Variants in AOPEP observed in about 807,000 individuals in gnomAD.
AOPEP encodes the protein aminopeptidase O.
In AOPEP, 77 loss-of-function variants were observed where a neutral mutation model predicts 98.1. That is an observed-to-expected ratio of 0.78 (90% CI 0.65 to 0.95). The LOEUF (loss-of-function observed/expected upper bound fraction) is 0.95, where lower values mean the gene tolerates loss of function less well. AOPEP is among the 40% of genes least tolerant of loss of function. The pLI is 0.00. For missense variants in AOPEP, 1,024 were observed against 1,024.7 expected (o/e 1.00, Z 0.01); for synonymous variants, 346 against 365.3 (o/e 0.95, Z 0.60).
At chr9:95,018,477 C>G (rs954647678) in intron 13 of AOPEP, among the ~76,000 whole-genome samples, 1 of 152,196 alleles carries the variant, frequency 6.6e-6, no homozygotes, top group African/African-American at 2.4e-5. Context: ...ATGTCTCACC[C>G]GAGATTCCCA....
intron 14 of AOPEP, among the ~76,000 whole-genome samples, chr9:95,072,728 G>A (rs2068634564): frequency 6.6e-6 from 1 of 152,216 alleles, no homozygotes; most frequent in South Asian, 2.1e-4. Flanking sequence ...AATCAAATAA[G>A]GGTGAGGCCC....
At chr9:95,146,211 T>C in the AOPEP span, among the ~76,000 whole-genome samples, 3 of 152,082 alleles carry the variant, frequency 2.0e-5, no homozygotes, top group Non-Finnish European at 4.4e-5. Flanking sequence ...ATTGGGCCTG[T>C]CACAGTGGCT....
intron 13 of AOPEP, among the ~76,000 whole-genome samples, chr9:95,028,504 T>C (rs1020962): frequency 0.94 from 143,807 of 152,326 alleles, 67,988 homozygotes; most frequent in Middle Eastern, 0.99. Flanking sequence ...GGCTTAGAAA[T>C]TCTTTTATGT....
chr9:94,806,100 C>T (rs74449796), intron 5 of AOPEP, among the ~76,000 whole-genome samples: 4,143 of 152,174 alleles, frequency 0.027, 182 homozygotes, highest in African/African-American at 0.094. Context: ...GGGATGTGAC[C>T]CCCTGATTTC....
At chr9:95,075,722 A>G (rs2068975662) in intron 14 of AOPEP, among the ~76,000 whole-genome samples, 1 of 152,162 alleles carries the variant, frequency 6.6e-6, no homozygotes, top group South Asian at 2.1e-4. Flanking sequence ...TTCTGCAAAA[A>G]GTAATTAAAA....
chr9:94,785,556 G>A (rs1160897369), intron 3 of AOPEP, among the ~76,000 whole-genome samples: 1 of 152,202 alleles, frequency 6.6e-6, no homozygotes, highest in African/African-American at 2.4e-5. Flanking sequence ...CCAGAAAGAA[G>A]GGCAAGCTGG....
At chr9:95,092,665 C>T in the AOPEP span, among the ~76,000 whole-genome samples, 2 of 152,178 alleles carry the variant, frequency 1.3e-5, no homozygotes, top group African/African-American at 4.8e-5. Context: ...GGTGCTTTTG[C>T]CAGCGGGGTG....
At chr9:95,007,261 A>G (rs531388112) in intron 13 of AOPEP, among the ~76,000 whole-genome samples, 33 of 152,218 alleles carry the variant, frequency 2.2e-4, no homozygotes, top group African/African-American at 7.2e-4. Flanking sequence ...GTAGAAAGGA[A>G]GGGGAAGCCA....
chr9:95,091,612 C>T (rs530718392), downstream of AOPEP, among the ~76,000 whole-genome samples: 75 of 152,274 alleles, frequency 4.9e-4, no homozygotes, highest in Non-Finnish European at 2.9e-5. Flanking sequence ...GGACAGTGAC[C>T]TTGGCCTTGC....
intron 1 of AOPEP, among the ~76,000 whole-genome samples, chr9:94,740,756 G>A (rs1344575528): frequency 6.6e-6 from 1 of 152,188 alleles, no homozygotes; most frequent in Non-Finnish European, 1.5e-5. Context: ...AGAGGCTGCT[G>A]GGTCCATATC....
At position 94,972,793 on chromosome 9, in the gene AOPEP, A is replaced by G. The variant is rs2059611075; in HGVS notation, c.1916+4992A>G. 6.6e-6 allele frequency among the ~76,000 whole-genome samples: 1 copy of G among 152,080 alleles called. No individual in the cohort carries two copies. Among genetic ancestry groups the G allele is most frequent in the African/African-American group, 2.4e-5 (1 of 41,420 alleles). ...ATCTCTACCAAAAATACAAAAAATT[A>G]GCCTGCATGGTGGTACGTGTCTGTA... is the stretch of plus-strand genomic sequence containing the variant. On this transcript the variant is annotated intron_variant, in intron 10 of 16. Transcript: ENST00000375315. The surrounding 1 kb of genome is among the most constrained non-coding windows in gnomAD (Gnocchi z 4.2).
At chr9:94,962,596 G>A (rs1432549989) in intron 9 of AOPEP, among the ~76,000 whole-genome samples, 2 of 152,174 alleles carry the variant, frequency 1.3e-5, no homozygotes, top group African/African-American at 4.8e-5. Context: ...TAAATTGCTA[G>A]TTAGTTATTG....
intron 9 of AOPEP, among the ~76,000 whole-genome samples, chr9:94,965,042 A>T (rs2059105861): frequency 6.6e-6 from 1 of 152,250 alleles, no homozygotes; most frequent in Non-Finnish European, 1.5e-5. Context: ...ATAAAATAAT[A>T]TATTAGATTG....
intron 7 of AOPEP, chr9:94,933,237 C>T (rs1331013832): frequency 9.1e-6 from 9 of 985,610 alleles, no homozygotes; most frequent in Non-Finnish European, 1.1e-5. Context: ...CCGAAAGGCT[C>T]GCCATGCCTC....
In AOPEP at chr9:95,017,588, GC is replaced by G. The variant is rs1425256452; in HGVS notation, c.2115+11977del. Among the ~76,000 whole-genome samples the G allele has an allele frequency of 4.6e-5, 7 of 152,268 alleles. No individual in the cohort carries two copies. In the South Asian group the frequency reaches 1.5e-3, roughly 32 times the overall value. ...ATGACAAAGGTAAAGATTGCTGAGT[GC>G]CCCCACAGACAGCAAAGATGGTGAT... On this transcript the variant is annotated intron_variant, in intron 13 of 16. Coordinates refer to ENST00000375315, the MANE Select transcript of AOPEP (RefSeq NM_001193329.3).
At chr9:94,860,844 A>G (rs186496692) in intron 5 of AOPEP, among the ~76,000 whole-genome samples, 7 of 152,268 alleles carry the variant, frequency 4.6e-5, no homozygotes, top group Admixed American at 4.6e-4. Context: ...CATAAATAGT[A>G]GATTTTAGTA....
intron 9 of AOPEP, among the ~76,000 whole-genome samples, chr9:94,965,280 T>A (rs1035332351): frequency 1.3e-5 from 2 of 152,250 alleles, no homozygotes; most frequent in Non-Finnish European, 2.9e-5. Flanking sequence ...TCCATTTTTT[T>A]AAACATTAGT....
At chr9:95,011,528 T>C (rs2062522284) in intron 13 of AOPEP, among the ~76,000 whole-genome samples, 1 of 152,078 alleles carries the variant, frequency 6.6e-6, no homozygotes, top group South Asian at 2.1e-4. Context: ...ACTGCCGTTT[T>C]GCTGGGCATG....
intron 5 of AOPEP, among the ~76,000 whole-genome samples, chr9:94,909,432 C>T (rs1374772710): frequency 6.8e-6 from 1 of 146,780 alleles, no homozygotes; most frequent in African/African-American, 2.5e-5. Context: ...GAAAAGATGA[C>T]AGCTTTTATA....
Sources: gnomAD v4.1 joint callset for allele counts (sites outside exome capture counted in the v4.1 genomes callset) on GRCh38, gnomAD v4.1.1 for gene constraint, Gnocchi (gnomAD v3.1) non-coding constraint, MANE v1.5 for transcripts, NCBI Gene and HGNC (gene_info 2026-07-23, HGNC 2026-07-21) for gene names.